The following ERC2 variants were observed in gnomAD, a reference collection of about 807,000 sequenced individuals.
ERC2 encodes the protein ELKS/RAB6-interacting/CAST family member 2.
In ERC2, 42 loss-of-function variants were observed where a neutral mutation model predicts 114.8. The observed-to-expected ratio is 0.37, with a 90% CI of 0.29 to 0.47. The LOEUF is 0.47. Ranked by LOEUF, ERC2 falls within the 20% of genes least tolerant of loss-of-function variation. The probability of loss-of-function intolerance (pLI) is 0.99; values close to 1 mark genes in which losing one functional copy is unlikely to be tolerated. For missense variants in ERC2, 939 were observed against 1,150.7 expected (o/e 0.82, Z 2.66); for synonymous variants, 454 against 425.5 (o/e 1.07, Z -0.82).
At chr3:55,997,112 C>T (rs1266525455) in intron 10 of ERC2, among the ~76,000 whole-genome samples, 3 of 152,146 alleles carry the variant, frequency 2.0e-5, no homozygotes, top group Non-Finnish European at 2.9e-5. Flanking sequence ...ATAACACGTT[C>T]CCTTTGAAAT....
chr3:56,217,812 C>T (rs2049594519), intron 3 of ERC2, among the ~76,000 whole-genome samples: 1 of 152,138 alleles, frequency 6.6e-6, no homozygotes, highest in Admixed American at 6.5e-5. Context: ...TGGAACAGAA[C>T]AGAGCCCTCA....
chr3:55,996,776 G>A (rs1201935800), intron 10 of ERC2, among the ~76,000 whole-genome samples: 1 of 152,210 alleles, frequency 6.6e-6, no homozygotes, highest in African/African-American at 2.4e-5. Flanking sequence ...GGCTTGGGAT[G>A]AGCAGTATAT....
chr3:55,771,464 G>A (rs1041703088), intron 14 of ERC2, among the ~76,000 whole-genome samples: 3 of 152,226 alleles, frequency 2.0e-5, no homozygotes, highest in African/African-American at 7.2e-5. Context: ...TGGGAGCCCA[G>A]AGTTAGACAA....
chr3:55,886,993 G>A (rs2063376087), intron 14 of ERC2, among the ~76,000 whole-genome samples: 1 of 152,192 alleles, frequency 6.6e-6, no homozygotes, highest in Non-Finnish European at 1.5e-5. Flanking sequence ...CCTCCCATGT[G>A]CCCAGCACTG....
In ERC2 at chr3:55,723,112, T is replaced by C. The variant is rs568726596; in HGVS notation, c.2712+11659A>G. On this transcript the variant is annotated intron_variant, in intron 15 of 17. Coordinates refer to ENST00000288221, the MANE Select transcript of ERC2 (RefSeq NM_015576.3). ...GGTAAAATTAATGACTGCAAAATGA[T>C]GGAAATCATAAACCAAGAAATATGT... Among the ~76,000 whole-genome samples, 5 of 152,308 alleles carry C rather than the reference T, an allele frequency of 3.3e-5. No individual in the cohort carries two copies. The South Asian group carries it at 1.0e-3, about 32-fold the overall frequency.
intron 2 of ERC2, among the ~76,000 whole-genome samples, chr3:56,416,164 C>T (rs1453217360): frequency 1.3e-5 from 2 of 152,132 alleles, no homozygotes; most frequent in African/African-American, 4.8e-5. Context: ...CTAGTAGGGG[C>T]TTTCTCTTTT....
chr3:55,796,867 G>A lies in ERC2; in HGVS notation c.2565-61949C>T, dbSNP rs147572966. On this transcript the variant is annotated intron_variant, in intron 14 of 17. Coordinates refer to ENST00000288221, the MANE Select transcript of ERC2 (RefSeq NM_015576.3). ...TTTTAAGAAAAAGCTTGTCAACTCC[G>A]AAACAGTAAACTTCAATAACTGTTT... Among the ~76,000 whole-genome samples the A allele has an allele frequency of 3.3e-3, 500 of 152,220 alleles. 3 individuals carry two copies. The highest frequency in any genetic ancestry group is 0.012 in the African/African-American group (478 of 41,532).
intron 17 of ERC2, among the ~76,000 whole-genome samples, chr3:55,679,327 T>C (rs2061953050): frequency 6.6e-6 from 1 of 152,156 alleles, no homozygotes; most frequent in Non-Finnish European, 1.5e-5. Flanking sequence ...ACCTCCTGAC[T>C]CTCCCCTTTT....
chr3:55,846,497 T>G (rs949542004), intron 14 of ERC2, among the ~76,000 whole-genome samples: 5 of 152,194 alleles, frequency 3.3e-5, no homozygotes, highest in Non-Finnish European at 5.9e-5. Context: ...ATTCATATTC[T>G]TTTGGATATA....
intron 17 of ERC2, among the ~76,000 whole-genome samples, chr3:55,571,113 C>T (rs1575614371): frequency 8.3e-6 from 1 of 120,626 alleles, no homozygotes; most frequent in Non-Finnish European, 1.6e-5. Flanking sequence ...GGCAACAGAG[C>T]GAGACTCCGT....
intron 7 of ERC2, among the ~76,000 whole-genome samples, chr3:56,038,321 CAT>C (rs1284408484): frequency 1.3e-5 from 2 of 152,164 alleles, no homozygotes; most frequent in East Asian, 3.9e-4. Context: ...GGCCAACAAA[CAT>C]ATGAAAAAAA....
At chr3:55,699,651 T>A in intron 15 of ERC2, 139 bp from the exon 16 acceptor site, 1 of 949,952 alleles carries the variant, frequency 1.1e-6, no homozygotes, top group Non-Finnish European at 1.5e-6. Context: ...AGTTGAAACT[T>A]AATAAAGAAA....
At chr3:56,082,031 G>T (rs1235363406) in intron 6 of ERC2, among the ~76,000 whole-genome samples, 1 of 152,048 alleles carries the variant, frequency 6.6e-6, no homozygotes, top group Non-Finnish European at 1.5e-5. Context: ...GCTAAACAAT[G>T]ACATTCAATA....
At chr3:55,550,605 G>GA (rs1225440734) in intron 17 of ERC2, among the ~76,000 whole-genome samples, 1 of 152,194 alleles carries the variant, frequency 6.6e-6, no homozygotes, top group East Asian at 1.9e-4. Context: ...AGGGGATGGG[G>GA]AGAAGACTGA....
intron 2 of ERC2, among the ~76,000 whole-genome samples, chr3:56,393,717 C>A (rs1336214778): frequency 6.6e-6 from 1 of 152,118 alleles, no homozygotes; most frequent in Non-Finnish European, 1.5e-5. Context: ...TTGAAGAACT[C>A]AAAAATTCTC....
intron 14 of ERC2, among the ~76,000 whole-genome samples, chr3:55,875,515 T>C (rs1466625927): frequency 1.3e-5 from 2 of 152,264 alleles, no homozygotes; most frequent in East Asian, 3.9e-4. Flanking sequence ...ATCTGTTGGT[T>C]CCCAAATTCC....
chr3:56,021,871 C>T lies in ERC2; in HGVS notation c.1642-2840G>A, dbSNP rs575392060. On this transcript the variant is annotated intron_variant, in intron 7 of 17. Transcript: ENST00000288221. ...GTTTGATAAGGATAATAGCCTCCAGCTCCATCCATGTTCCCGCACAAGACA... is the reference window on the plus strand; with the variant it reads ...GTTTGATAAGGATAATAGCCTCCAGTTCCATCCATGTTCCCGCACAAGACA... Among the ~76,000 whole-genome samples the T allele has an allele frequency of 2.4e-4, 37 of 152,312 alleles. No individual in the cohort carries two copies. In the East Asian group the frequency reaches 6.9e-3, roughly 29 times the overall value.
chr3:56,147,015 G>A lies in ERC2; in HGVS notation c.1305+1962C>T, dbSNP rs561543409. On this transcript the variant is annotated intron_variant, in intron 5 of 17. Coordinates refer to ENST00000288221, the MANE Select transcript of ERC2 (RefSeq NM_015576.3). ...TTCACCTGGACAGAGTCCATGATGA[G>A]GGGCAGAGTTTACAAATTTCATGAC... Among the ~76,000 whole-genome samples the A allele has an allele frequency of 2.0e-5, 3 of 152,362 alleles. No homozygotes were observed. The South Asian group carries it at 6.2e-4, about 32-fold the overall frequency.
chr3:56,401,467 C>T (rs1477397335), intron 2 of ERC2, among the ~76,000 whole-genome samples: 1 of 152,218 alleles, frequency 6.6e-6, no homozygotes. Flanking sequence ...TCATCAACAT[C>T]CTTCCATACA....
Sources: gnomAD v4.1 joint callset for allele counts (sites outside exome capture counted in the v4.1 genomes callset) on GRCh38, gnomAD v4.1.1 for gene constraint, MANE v1.5 for transcripts, NCBI Gene and HGNC (gene_info 2026-07-23, HGNC 2026-07-21) for gene names.